NUCB1: variants seen among roughly 807,000 people sequenced by gnomAD.
NUCB1 encodes the protein nucleobindin 1.
A neutral mutation model predicts 61.2 loss-of-function variants in NUCB1; 47 were observed. That is an observed-to-expected ratio of 0.77 (90% CI 0.61 to 0.98). The LOEUF (loss-of-function observed/expected upper bound fraction) is 0.98. Among genes scored for constraint, NUCB1 ranks in the 50% least tolerant of loss-of-function variants. The pLI is 0.00. For synonymous variants in NUCB1, 234 were observed against 243.1 expected (o/e 0.96, Z 0.35); for missense variants, 583 against 605.3 (o/e 0.96, Z 0.39).
chr19:48,903,567 T>C (rs2037376907), intron 2 of NUCB1, among the ~76,000 whole-genome samples: 4 of 76,316 alleles, frequency 5.2e-5, no homozygotes, highest in African/African-American at 1.6e-4. Context: ...GATGGATGGA[T>C]GAGTGGATGG....
chr19:48,900,671 T>A, intron 1 of NUCB1, 115 bp from the exon 2 acceptor site: 1 of 1,366,628 alleles, frequency 7.3e-7, no homozygotes, highest in Non-Finnish European at 1.0e-6. Flanking sequence ...AACAAAATGC[T>A]TGTGTCTTGA....
Position 48,921,343 on chromosome 19 carries a change from G to T in NUCB1, c.1173+19G>T. The T allele has an allele frequency of 6.4e-7, 1 of 1,564,018 alleles. No individual in the cohort carries two copies. ...GCAGCAGGTGACAGCGGGGGAAGCT[G>T]CTTCCATCCACTGAATCTCTGGCTG... On this transcript the variant is annotated intron_variant, in intron 11 of 12. Coordinates refer to ENST00000405315, the MANE Select transcript of NUCB1 (RefSeq NM_006184.6).
In NUCB1 at chr19:48,923,055, C is replaced by G. The variant is rs1289914970; in HGVS notation, c.*631C>G. ...CCAGCCATCTCATCGCCAGCCTCCTCCTGGACCTCTTGGCCCCCAGCCCCT... is the reference window on the plus strand; with the variant it reads ...CCAGCCATCTCATCGCCAGCCTCCTGCTGGACCTCTTGGCCCCCAGCCCCT... On this transcript the variant is annotated 3_prime_UTR_variant, in exon 13 of 13. Coordinates refer to ENST00000405315, the MANE Select transcript of NUCB1 (RefSeq NM_006184.6). The G allele has an allele frequency of 6.5e-6, 1 of 153,778 alleles. No individual in the cohort carries two copies. The highest frequency in any genetic ancestry group is 1.9e-4 in the East Asian group (1 of 5,248). 9.5% of individuals were successfully genotyped at this position (153,778 alleles called of 1,614,324 possible). A position where few individuals can be genotyped will look rare whatever the true frequency, so the allele number is the denominator to read the frequency against.
In NUCB1 at chr19:48,920,168, C is replaced by T. The variant is rs10426915; in HGVS notation, c.1002+882C>T. Among the ~76,000 whole-genome samples, 1,027 of 152,180 alleles carry T rather than the reference C, an allele frequency of 6.7e-3. 15 individuals carry two copies. Among genetic ancestry groups the T allele is most frequent in the African/African-American group, 0.024 (980 of 41,512 alleles). ...AAGCTATCCACCCTTCTCAGCCTCCCAAAGTGCTGGGATTACCCAGGCTGG... is the reference window on the plus strand; with the variant it reads ...AAGCTATCCACCCTTCTCAGCCTCCTAAAGTGCTGGGATTACCCAGGCTGG... On this transcript the variant is annotated intron_variant, in intron 10 of 12. Transcript: ENST00000405315.
In NUCB1 at chr19:48,912,474, G is replaced by A. The variant is rs535390574; in HGVS notation, c.481-537G>A. Among the ~76,000 whole-genome samples, 6 of 152,102 alleles carry A rather than the reference G, an allele frequency of 3.9e-5. No individual in the cohort carries two copies. In the East Asian group the frequency reaches 9.7e-4, roughly 24 times the overall value. ...GGGTTGAAGTTGCTATTGTATAACC[G>A]TCCCAATCTGTTTTGAATAAAGAGA... On this transcript the variant is annotated intron_variant, in intron 5 of 12. Transcript: ENST00000405315.
chr19:48,904,337 G>C lies in NUCB1; in HGVS notation c.136-10G>C. On this transcript the variant is annotated splice_polypyrimidine_tract_variant and intron_variant, in intron 2 of 12. Coordinates refer to ENST00000405315, the MANE Select transcript of NUCB1 (RefSeq NM_006184.6). Reference sequence around the variant, plus strand: ...AGCAGGGGCTGCTATGTCTGTCCTTGTTGCCTCAGGACACAGGCCTGTACT... The same window carrying C: ...AGCAGGGGCTGCTATGTCTGTCCTTCTTGCCTCAGGACACAGGCCTGTACT... The C allele has an allele frequency of 6.3e-7, 1 of 1,577,342 alleles. No homozygotes were observed. Among genetic ancestry groups the C allele is most frequent in the Non-Finnish European group, 8.7e-7 (1 of 1,146,746 alleles).
chr19:48,914,799 G>T (rs2037520934), intron 7 of NUCB1, among the ~76,000 whole-genome samples: 1 of 150,494 alleles, frequency 6.6e-6, no homozygotes, highest in South Asian at 2.1e-4. Context: ...AAAAAAAATA[G>T]ACCAGGCGTG....
intron 2 of NUCB1, among the ~76,000 whole-genome samples, chr19:48,903,846 ATGGATGGATGAG>A (rs2037381628): frequency 8.1e-6 from 1 of 124,122 alleles, no homozygotes; most frequent in Non-Finnish European, 1.7e-5. Context: ...GAGTGGATGG[ATGGATGGATGAG>A]TGGATGGATG....
intron 4 of NUCB1, among the ~76,000 whole-genome samples, chr19:48,907,684 A>G (rs2122174533): frequency 6.6e-6 from 1 of 152,310 alleles, no homozygotes; most frequent in East Asian, 1.9e-4. Flanking sequence ...TTAGGGCACC[A>G]GTATCCAGCT....
intron 2 of NUCB1, among the ~76,000 whole-genome samples, chr19:48,903,474 G>T (rs58756207): frequency 0.045 from 4,937 of 110,324 alleles, 446 homozygotes; most frequent in Non-Finnish European, 0.074. Flanking sequence ...GGATGGGCGG[G>T]TGGATGGATG....
rs775564772 is a variant in NUCB1, at chr19:48,913,172, C to T, written c.642C>T (p.Arg214=). 19 of 1,613,288 alleles carry T rather than the reference C, an allele frequency of 1.2e-5. No individual in the cohort carries two copies. Among genetic ancestry groups the T allele is most frequent in the East Asian group, 8.9e-5 (4 of 44,890 alleles). The change falls in exon 6 of 13, where the codon CGC becomes CGT. Residue 214 remains arginine, a synonymous_variant. Coordinates refer to ENST00000405315, the MANE Select transcript of NUCB1 (RefSeq NM_006184.6). ...TGGAAGAGCAACAGCGCCGGCACCG[C>T]GAGCACCCTAAAGTCAACGTGCCTG... The part of the protein sequence containing the change: ...RKLEEQQRRH[R]EHPKVNVPGS...
chr19:48,916,474 G>C (rs754482492), intron 7 of NUCB1, among the ~76,000 whole-genome samples: 1 of 152,014 alleles, frequency 6.6e-6, no homozygotes, highest in Non-Finnish European at 1.5e-5. Context: ...ACAAAAATTA[G>C]CTGGGTGTGG....
In NUCB1 at chr19:48,913,402, A is replaced by G. The variant is rs565870372; in HGVS notation, c.667-72A>G. ...GAGATGATGTTTGTTGGATGAGGGTAAAGGGATATTTGGTTTTATCCCATG... is the reference window on the plus strand; with the variant it reads ...GAGATGATGTTTGTTGGATGAGGGTGAAGGGATATTTGGTTTTATCCCATG... On this transcript the variant is annotated intron_variant, in intron 6 of 12. Coordinates refer to ENST00000405315, the MANE Select transcript of NUCB1 (RefSeq NM_006184.6). The G allele has an allele frequency of 1.5e-5, 20 of 1,366,838 alleles. No individual in the cohort carries two copies. In the South Asian group the frequency reaches 2.3e-4, roughly 16 times the overall value. 84.7% of individuals were successfully genotyped at this position (1,366,838 alleles called of 1,614,324 possible).
rs955765067 is a variant in NUCB1 at position 48,921,969 on chromosome 19, C to G, written c.1279+37C>G. 6 of 1,489,850 alleles carry G rather than the reference C, an allele frequency of 4.0e-6. No individual in the cohort carries two copies. The African/African-American group carries it at 7.0e-5, about 17-fold the overall frequency. 92.3% of individuals were successfully genotyped at this position (1,489,850 alleles called of 1,614,324 possible). On this transcript the variant is annotated intron_variant, in intron 12 of 12. Transcript: ENST00000405315. ...AGTCCAGGGAGGAGGGGCTGCAGGG[C>G]TGGACCCCTGGGTCTGAGGTTGGAG...
chr19:48,909,733 G>A (rs1269490996), intron 4 of NUCB1, among the ~76,000 whole-genome samples: 2 of 151,750 alleles, frequency 1.3e-5, no homozygotes, highest in Non-Finnish European at 2.9e-5. Context: ...GTAGAGATGG[G>A]GTTTCACCAT....
At chr19:48,911,341 C>A in intron 5 of NUCB1, 89 bp downstream of exon 5, 1 of 851,280 alleles carries the variant, frequency 1.2e-6, no homozygotes, top group South Asian at 1.4e-5. Flanking sequence ...AGCCAGCTCA[C>A]CATTCCTGCT....
chr19:48,903,450 A>ATGAT (rs2037374132), intron 2 of NUCB1, among the ~76,000 whole-genome samples: 1 of 51,666 alleles, frequency 1.9e-5, no homozygotes, highest in Admixed American at 2.0e-4. Context: ...GGATGGATGG[A>ATGAT]TGGGTGGTTG....
intron 2 of NUCB1, among the ~76,000 whole-genome samples, chr19:48,902,842 T>G (rs932695056): frequency 1.3e-5 from 2 of 151,860 alleles, no homozygotes; most frequent in African/African-American, 4.8e-5. Flanking sequence ...TCAAGGAGGC[T>G]GCTGTGGCTG....
In NUCB1 at chr19:48,921,280, C is replaced by T. The variant is rs763288044; in HGVS notation, c.1129C>T (p.Arg377Trp). Reference sequence around the variant, plus strand: ...CAGCCAGGAGACAGAGGCTCTAGGGCGGTCCCAGGGCCGCCTGGAGGCCCA... The same window carrying T: ...CAGCCAGGAGACAGAGGCTCTAGGGTGGTCCCAGGGCCGCCTGGAGGCCCA... ...RLSQETEALG[R>W]SQGRLEAQKR... is the part of the protein sequence containing the mutation. The change falls in exon 11 of 13, where the codon CGG (arginine) becomes TGG (tryptophan). Residue 377 changes from arginine (R) to tryptophan (W), a missense_variant. Coordinates refer to ENST00000405315, the MANE Select transcript of NUCB1 (RefSeq NM_006184.6). 12 of 1,602,880 alleles carry T rather than the reference C, an allele frequency of 7.5e-6. No homozygotes were observed. The highest frequency in any genetic ancestry group is 3.3e-5 in the South Asian group (3 of 89,572).
Sources: allele counts gnomAD v4.1 joint callset (sites outside exome capture counted in the v4.1 genomes callset), GRCh38; gene constraint gnomAD v4.1.1; transcripts MANE v1.5; gene names NCBI Gene and HGNC (gene_info 2026-07-23, HGNC 2026-07-21).